The following PTPRQ variants were observed in gnomAD, a reference collection of about 807,000 sequenced individuals.
PTPRQ encodes the protein protein tyrosine phosphatase receptor type Q.
In PTPRQ, 199 loss-of-function variants were observed where a neutral mutation model predicts 246.0. The ratio of observed to expected loss-of-function variants is 0.81; its 90% CI spans 0.72 to 0.91. PTPRQ has a LOEUF of 0.91. Among genes scored for constraint, PTPRQ ranks in the 40% least tolerant of loss-of-function variants. PTPRQ has a pLI of 0.00. For missense variants in PTPRQ, 2,624 were observed against 2,528.4 expected (o/e 1.04, Z -0.81); for synonymous variants, 869 against 853.2 (o/e 1.02, Z -0.32).
At chr12:80,628,574 C>G (rs1163981076) in intron 33 of PTPRQ, among the ~76,000 whole-genome samples, 1 of 152,076 alleles carries the variant, frequency 6.6e-6, no homozygotes, top group African/African-American at 2.4e-5. Flanking sequence ...GATCTTCAAA[C>G]ACGAACATTT....
chr12:80,614,062 A>G (rs893267336), intron 29 of PTPRQ, among the ~76,000 whole-genome samples: 10 of 150,900 alleles, frequency 6.6e-5, no homozygotes, highest in African/African-American at 2.2e-4. Context: ...AGTTTGCACA[A>G]TAATAGTAGA....
intron 39 of PTPRQ, among the ~76,000 whole-genome samples, chr12:80,664,159 C>T (rs1157248117): frequency 6.6e-6 from 1 of 151,880 alleles, no homozygotes; most frequent in African/African-American, 2.4e-5. Flanking sequence ...TCACTTTAAA[C>T]TCATGGCCAC....
At chr12:80,631,873 C>T (rs2121168020) in intron 33 of PTPRQ, among the ~76,000 whole-genome samples, 1 of 152,210 alleles carries the variant, frequency 6.6e-6, no homozygotes, top group Non-Finnish European at 1.5e-5. Context: ...ATAAAGACGT[C>T]TGGTAGGCAG....
intron 6 of PTPRQ, chr12:80,462,688 A>G (rs1348322551): frequency 6.1e-6 from 1 of 162,732 alleles, no homozygotes; most frequent in Non-Finnish European, 1.3e-5. Flanking sequence ...GAATGATCAG[A>G]CAGCAGCATT....
intron 43 of PTPRQ, among the ~76,000 whole-genome samples, chr12:80,676,470 C>A (rs1250027591): frequency 1.3e-5 from 2 of 152,094 alleles, no homozygotes; most frequent in Non-Finnish European, 2.9e-5. Flanking sequence ...TGGTGAAACC[C>A]CGTCTATACT....
chr12:80,478,807 G>A (rs1026655253), intron 8 of PTPRQ, among the ~76,000 whole-genome samples: 7 of 152,158 alleles, frequency 4.6e-5, no homozygotes, highest in South Asian at 2.1e-4. Context: ...GAAACGAAGC[G>A]AGAAGGGAAG....
At chr12:80,611,373 G>C (rs1165089982) in intron 28 of PTPRQ, among the ~76,000 whole-genome samples, 1 of 150,232 alleles carries the variant, frequency 6.7e-6, no homozygotes, top group East Asian at 2.0e-4. Flanking sequence ...GTAAGTATAG[G>C]AAGTAAAATT....
At chr12:80,593,556 A>T (rs1448535136) in intron 26 of PTPRQ, 1 of 152,198 alleles carries the variant, frequency 6.6e-6, no homozygotes, top group Non-Finnish European at 1.5e-5. Flanking sequence ...ATTGAAGCCA[A>T]ATTGCTTTTG....
At chr12:80,625,214 G>A (rs1226687100) in intron 33 of PTPRQ, among the ~76,000 whole-genome samples, 1 of 152,164 alleles carries the variant, frequency 6.6e-6, no homozygotes, top group East Asian at 1.9e-4. Context: ...GACAAAGGGT[G>A]ATTGAGTCCT....
In PTPRQ at chr12:80,619,502, A is replaced by G; in HGVS notation, c.5349A>G (p.Gly1783=). ...TATGTTACTACAGTGATGATCATGG[A>G]CCAATAAAAAATGTACAAGTGCTTG... ...MPICYYSDDH[G]PIKNVQVLVT... is the part of the protein sequence containing the mutation. The change falls in exon 31 of 45, where the codon GGA becomes GGG. Residue 1783 remains glycine (G), a synonymous_variant. Transcript: ENST00000644991. The G allele has an allele frequency of 6.5e-7, 1 of 1,542,130 alleles. No homozygotes were observed. The highest frequency in any genetic ancestry group is 8.8e-7 in the Non-Finnish European group (1 of 1,141,556).
At chr12:80,559,586 T>C (rs902531833) in intron 25 of PTPRQ, among the ~76,000 whole-genome samples, 7 of 152,158 alleles carry the variant, frequency 4.6e-5, no homozygotes, top group Admixed American at 3.9e-4. Context: ...CAAAGAATAA[T>C]GTTCCAATTT....
At chr12:80,641,261 A>T (rs1899846241) in intron 35 of PTPRQ, among the ~76,000 whole-genome samples, 1 of 152,210 alleles carries the variant, frequency 6.6e-6, no homozygotes, top group Non-Finnish European at 1.5e-5. Context: ...CAGCACTAGC[A>T]GGGACCCCAG....
rs1445050620 is a variant in PTPRQ at position 80,652,741 on chromosome 12, C to T, written c.6025-3C>T. Reference sequence around the variant, plus strand: ...TAAACTTTGTAATGACTTTATTTTACAGGAATTACCAAAATTTCTTCAGGA... The same window carrying T: ...TAAACTTTGTAATGACTTTATTTTATAGGAATTACCAAAATTTCTTCAGGA... On this transcript the variant is annotated splice_polypyrimidine_tract_variant and splice_region_variant and intron_variant, in intron 37 of 44. Coordinates refer to ENST00000644991, the MANE Select transcript of PTPRQ (RefSeq NM_001145026.2). The T allele has an allele frequency of 6.7e-7, 1 of 1,491,708 alleles. No individual in the cohort carries two copies. The highest frequency in any genetic ancestry group is 2.5e-5 in the Admixed American group (1 of 40,054). 92.4% of individuals were successfully genotyped at this position (1,491,708 alleles called of 1,614,324 possible). A position where few individuals can be genotyped will look rare whatever the true frequency, so the allele number is the denominator to read the frequency against.
At chr12:80,638,972 T>C (rs188363073) in intron 35 of PTPRQ, among the ~76,000 whole-genome samples, 3 of 152,218 alleles carry the variant, frequency 2.0e-5, no homozygotes, top group African/African-American at 7.2e-5. Flanking sequence ...TGTTATCTAA[T>C]AAACATACAG....
At chr12:80,519,466 A>C (rs770791221) in intron 17 of PTPRQ, among the ~76,000 whole-genome samples, 6 of 152,190 alleles carry the variant, frequency 3.9e-5, no homozygotes, top group Non-Finnish European at 8.8e-5. Flanking sequence ...TTAAAGGATG[A>C]CAGCCTTCAA....
At chr12:80,512,742 T>A (rs185179138) in intron 17 of PTPRQ, 94 of 152,314 alleles carry the variant, frequency 6.2e-4, no homozygotes, top group African/African-American at 2.1e-3. Flanking sequence ...GGGTAAATAT[T>A]CAATCAATTC....
intron 6 of PTPRQ, chr12:80,465,576 C>A (rs1199887420): frequency 1.3e-5 from 2 of 152,198 alleles, no homozygotes; most frequent in Non-Finnish European, 2.9e-5. Flanking sequence ...AGACCAATAT[C>A]CTTGATGAAC....
chr12:80,514,402 A>ACACACACACACACACACTCTCTCT (rs552667526), intron 17 of PTPRQ, among the ~76,000 whole-genome samples: 138 of 113,018 alleles, frequency 1.2e-3, no homozygotes, highest in Middle Eastern at 4.5e-3. Context: ...ACACACACAC[A>ACACACACACACACACACTCTCTCT]CTCTCTCTCT....
At chr12:80,631,183 T>C (rs774956659) in intron 33 of PTPRQ, among the ~76,000 whole-genome samples, 1 of 152,136 alleles carries the variant, frequency 6.6e-6, no homozygotes, top group Non-Finnish European at 1.5e-5. Context: ...TAATTAAGAA[T>C]ATTTAGGCCA....
Sources: gnomAD v4.1 joint callset for allele counts (sites outside exome capture counted in the v4.1 genomes callset) on GRCh38, gnomAD v4.1.1 for gene constraint, MANE v1.5 for transcripts, NCBI Gene and HGNC (gene_info 2026-07-23, HGNC 2026-07-21) for gene names.